ADAM15: variants seen among roughly 807,000 people sequenced by gnomAD.
ADAM15 encodes ADAM metallopeptidase domain 15.
Under a neutral mutation model 113.8 loss-of-function variants are expected in ADAM15, and 77 were observed. That is an observed-to-expected ratio of 0.68 (90% CI 0.56 to 0.82). The LOEUF is 0.82. ADAM15 is among the 40% of genes least tolerant of loss of function. The pLI, the probability that ADAM15 is intolerant of heterozygous loss-of-function variation, is 0.00. For synonymous variants in ADAM15, 388 were observed against 454.1 expected (o/e 0.85, Z 1.85); for missense variants, 963 against 1,120.1 (o/e 0.86, Z 2.00).
rs758421384 is a variant in ADAM15, at chr1:155,058,247, G to T, written c.1723G>T (p.Asp575Tyr). The T allele has an allele frequency of 1.2e-6, 2 of 1,613,962 alleles. No individual in the cohort carries two copies. The highest frequency in any genetic ancestry group is 1.7e-6 in the Non-Finnish European group (2 of 1,180,034). ...SGSYVSCTPR[D>Y]AICGQLQCQT... Reference sequence around the variant, plus strand: ...GTGTGCCCTTCCCCCTCCCCACAGAGATGCCATTTGTGGGCAGCTCCAGTG... The same window carrying T: ...GTGTGCCCTTCCCCCTCCCCACAGATATGCCATTTGTGGGCAGCTCCAGTG... Residue 575 changes from aspartate (D) to tyrosine (Y), a missense_variant and splice_region_variant, in exon 15 of 23, where the codon GAT (aspartate) becomes TAT (tyrosine). Transcript: ENST00000356955. This position sits in a 1 kb window ranked among gnomAD's most constrained non-coding sequence, Gnocchi z 4.3.
In ADAM15 at chr1:155,056,327, C is replaced by T. The variant is rs1264662182; in HGVS notation, c.915-59C>T. ...CACCCCTTCAGCACCCTACCTCAGC[C>T]CCTGAAGCTCTGACCACCGTGGCTT... On this transcript the variant is annotated intron_variant, in intron 9 of 22. Transcript: ENST00000356955. The surrounding 1 kb of genome is among the most constrained non-coding windows in gnomAD (Gnocchi z 4.0). The T allele has an allele frequency of 3.1e-6, 5 of 1,610,760 alleles. No homozygotes were observed. The African/African-American group carries it at 6.7e-5, about 22-fold the overall frequency.
chr1:155,056,598 C>T lies in ADAM15; in HGVS notation c.999+128C>T, dbSNP rs994804788. The T allele has an allele frequency of 7.4e-5, 66 of 889,100 alleles. No individual in the cohort carries two copies. The African/African-American group carries it at 8.7e-4, about 12-fold the overall frequency. 55.1% of individuals were successfully genotyped at this position (889,100 alleles called of 1,614,324 possible). A position where few individuals can be genotyped will look rare whatever the true frequency, so the allele number is the denominator to read the frequency against. Reference sequence around the variant, plus strand: ...GCTACAGGTATAGAGGGTGGAGGTACGTGATGTGGCCTTTGCTATCAGGGA... The same window carrying T: ...GCTACAGGTATAGAGGGTGGAGGTATGTGATGTGGCCTTTGCTATCAGGGA... On this transcript the variant is annotated intron_variant, in intron 10 of 22. Transcript: ENST00000356955. This position sits in a 1 kb window ranked among gnomAD's most constrained non-coding sequence, Gnocchi z 4.0.
chr1:155,054,323 G>A lies in ADAM15; in HGVS notation c.429G>A (p.Val143=). 1.3e-6 allele frequency: 2 copies of A among 1,588,290 alleles called. No individual in the cohort carries two copies. Among genetic ancestry groups the A allele is most frequent in the Non-Finnish European group, 1.7e-6 (2 of 1,168,716 alleles). Residue 143 remains valine, a synonymous_variant, in exon 6 of 23, where the codon GTG becomes GTA. Coordinates refer to ENST00000356955, the MANE Select transcript of ADAM15 (RefSeq NM_207197.3). The part of the protein sequence containing the change: ...ICTCSGLRGL[V]VLTPERSYTL... ...CTTTCTTTTTTCTTAGAGGCTTGGT[G>A]GTCCTGACCCCAGAGAGAAGCTATA... is the stretch of plus-strand genomic sequence containing the variant.
intron 18 of ADAM15, 23 bp from the exon 19 acceptor site, chr1:155,060,740 T>G (rs1662461275): frequency 1.2e-6 from 2 of 1,612,068 alleles, no homozygotes; most frequent in Non-Finnish European, 1.7e-6. Context: ...GCCCTCTCCC[T>G]TCTTGCCTTT....
chr1:155,053,592 C>T (rs1285295084), intron 3 of ADAM15, 99 bp downstream of exon 3: 12 of 1,218,590 alleles, frequency 9.8e-6, no homozygotes, highest in Non-Finnish European at 1.3e-5. Context: ...ATTTAATCCT[C>T]ATAACAGCCC....
Position 155,061,905 on chromosome 1 carries a change from C to A in ADAM15, c.2354C>A (p.Ala785Asp). The A allele has an allele frequency of 6.5e-7, 1 of 1,531,380 alleles. No homozygotes were observed. The allele number at this position is 1,531,380 out of a possible 1,614,324, so 94.9% of individuals were successfully genotyped here. A position where few individuals can be genotyped will look rare whatever the true frequency, so the allele number is the denominator to read the frequency against. The change falls in exon 21 of 23, where the codon GCT (alanine) becomes GAT (aspartate). Residue 785 changes from alanine to aspartate, a missense_variant and splice_region_variant. Coordinates refer to ENST00000356955, the MANE Select transcript of ADAM15 (RefSeq NM_207197.3). ...PPDPVSKRLQAELADRPNPPT... is the reference protein window; with the variant it reads ...PPDPVSKRLQDELADRPNPPT... ...GCCACTGCCCCTCTCTCTGTTCAGG[C>A]TGAGCTGGCTGACCGACCCAATCCC...
intron 20 of ADAM15, 143 bp downstream of exon 20, chr1:155,061,632 C>T (rs1662626085): frequency 3.1e-6 from 3 of 955,482 alleles, no homozygotes; most frequent in South Asian, 1.6e-5. Flanking sequence ...CTCTGAGCCC[C>T]AGAAGCAGCA....
At position 155,055,859 on chromosome 1, in the gene ADAM15, C is replaced by T; in HGVS notation, c.675+7C>T. ...TGTGGCTGATCACTCGGAGGTGAGC[C>T]TGCTGGCCCCTGCACATCCTCCTCC... On this transcript the variant is annotated splice_region_variant and intron_variant, in intron 7 of 22. Coordinates refer to ENST00000356955, the MANE Select transcript of ADAM15 (RefSeq NM_207197.3). 6.2e-7 allele frequency: 1 copy of T among 1,614,216 alleles called. No homozygotes were observed.
Position 155,060,831 on chromosome 1 carries a change from AG to A in ADAM15, c.2277+1del, listed in dbSNP as rs1353492731. 3 of 1,610,942 alleles carry A rather than the reference AG, an allele frequency of 1.9e-6. No homozygotes were observed. The highest frequency in any genetic ancestry group is 1.7e-6 in the Non-Finnish European group (2 of 1,179,794). ...PQRALLARGT[K>X]QASALSFPAP... Reference sequence around the variant, plus strand: ...AGGGCCCTGCTGGCACGAGGCACTAAGGTGAGTCCTGGATGCCAGAGGAAGG... The same window carrying A: ...AGGGCCCTGCTGGCACGAGGCACTAAGTGAGTCCTGGATGCCAGAGGAAGG... On this transcript the variant is annotated frameshift_variant and splice_region_variant, in exon 19 of 23. Coordinates refer to ENST00000356955, the MANE Select transcript of ADAM15 (RefSeq NM_207197.3). LOFTEE classifies it high-confidence loss of function.
At position 155,056,347 on chromosome 1, in the gene ADAM15, T is replaced by C. The variant is rs1488187797; in HGVS notation, c.915-39T>C. 1 of 1,612,262 alleles carries C rather than the reference T, an allele frequency of 6.2e-7. No individual in the cohort carries two copies. Among genetic ancestry groups the C allele is most frequent in the African/African-American group, 1.3e-5 (1 of 74,878 alleles). Reference sequence around the variant, plus strand: ...TCAGCCCCTGAAGCTCTGACCACCGTGGCTTCTGGCCCTGAACTTTAGCCT... The same window carrying C: ...TCAGCCCCTGAAGCTCTGACCACCGCGGCTTCTGGCCCTGAACTTTAGCCT... On this transcript the variant is annotated intron_variant, in intron 9 of 22. Coordinates refer to ENST00000356955, the MANE Select transcript of ADAM15 (RefSeq NM_207197.3). The surrounding 1 kb of genome is among the most constrained non-coding windows in gnomAD (Gnocchi z 4.0).
At chr1:155,059,668 A>C (rs1419432405) in intron 16 of ADAM15, among the ~76,000 whole-genome samples, 1 of 152,154 alleles carries the variant, frequency 6.6e-6, no homozygotes, top group Non-Finnish European at 1.5e-5. Context: ...ACAAAACAAA[A>C]CAAACACAAA....
At chr1:155,055,581 C>T in intron 6 of ADAM15, 1 of 591,670 alleles carries the variant, frequency 1.7e-6, no homozygotes, top group Admixed American at 3.0e-5. Context: ...GCCAGAAAAG[C>T]AGGGGTCTAC....
intron 6 of ADAM15, among the ~76,000 whole-genome samples, chr1:155,055,257 G>A (rs1040113963): frequency 1.1e-4 from 16 of 151,614 alleles, no homozygotes; most frequent in African/African-American, 3.6e-4. Flanking sequence ...ACAGAGTCTC[G>A]CTCTGTCTCC....
chr1:155,060,937 A>AC, intron 19 of ADAM15, 105 bp downstream of exon 19: 1 of 1,133,096 alleles, frequency 8.8e-7, no homozygotes, highest in South Asian at 1.3e-5. Context: ...AAAGGCTAGC[A>AC]CTGCCCAAGA....
In ADAM15 at chr1:155,057,560, T is replaced by C. The variant is rs556212730; in HGVS notation, c.1324-77T>C. 6.4e-6 allele frequency: 10 copies of C among 1,564,814 alleles called. No individual in the cohort carries two copies. Among genetic ancestry groups the C allele is most frequent in the Non-Finnish European group, 2.6e-6 (3 of 1,137,688 alleles). Reference sequence around the variant, plus strand: ...CTGTGTAGCTTCTGGTCTTGGCCTGTGGGAGGAGGAGAGATTGGAGGGAGG... The same window carrying C: ...CTGTGTAGCTTCTGGTCTTGGCCTGCGGGAGGAGGAGAGATTGGAGGGAGG... On this transcript the variant is annotated intron_variant, in intron 12 of 22. Coordinates refer to ENST00000356955, the MANE Select transcript of ADAM15 (RefSeq NM_207197.3). The surrounding 1 kb of genome is among the most constrained non-coding windows in gnomAD (Gnocchi z 5.0).
chr1:155,052,222 T>G, intron 1 of ADAM15: 1 of 444,314 alleles, frequency 2.3e-6, no homozygotes, highest in Non-Finnish European at 4.1e-6. Context: ...GTGGGGGTGT[T>G]TGCACTGCTC....
chr1:155,053,498 T>C lies in ADAM15; in HGVS notation c.263+5T>C, dbSNP rs1009922644. On this transcript the variant is annotated splice_donor_5th_base_variant and intron_variant, in intron 3 of 22. Transcript: ENST00000356955. ...CCTGGAGCTGCTACAGAATAGGTAA[T>C]AGTGATGGTGGCAATAACAGTGACC... The C allele has an allele frequency of 6.2e-7, 1 of 1,614,058 alleles. No homozygotes were observed. The highest frequency in any genetic ancestry group is 8.5e-7 in the Non-Finnish European group (1 of 1,179,990).
rs781372275 is a variant in ADAM15 at position 155,056,270 on chromosome 1, CAG to C, written c.914+26_914+27del. The C allele has an allele frequency of 8.7e-6, 14 of 1,613,594 alleles. No homozygotes were observed. In the East Asian group the frequency reaches 3.1e-4, roughly 36 times the overall value. ...GTGACGTAAGGGCCCCAGACTCAGC[CAG>C]AGAGGCCAGTCCTGTCCTGGCCAAA... On this transcript the variant is annotated intron_variant, in intron 9 of 22. Coordinates refer to ENST00000356955, the MANE Select transcript of ADAM15 (RefSeq NM_207197.3). This position sits in a 1 kb window ranked among gnomAD's most constrained non-coding sequence, Gnocchi z 4.0.
intron 3 of ADAM15, 133 bp from the exon 4 acceptor site, chr1:155,053,777 G>C: frequency 9.9e-7 from 1 of 1,012,098 alleles, no homozygotes; most frequent in East Asian, 2.5e-5. Context: ...TTGCTGCCCC[G>C]GGGTCAGGAG....
Sources: allele counts gnomAD v4.1 joint callset (sites outside exome capture counted in the v4.1 genomes callset), GRCh38; gene constraint gnomAD v4.1.1; non-coding constraint Gnocchi (gnomAD v3.1); transcripts MANE v1.5; gene names NCBI Gene and HGNC (gene_info 2026-07-23, HGNC 2026-07-21).